NOP9: variants seen among roughly 807,000 people sequenced by gnomAD.
NOP9 encodes NOP9 nucleolar protein, also known as nucleolar protein 9.
Under a neutral mutation model 63.0 loss-of-function variants are expected in NOP9, and 50 were observed. The observed-to-expected ratio is 0.79, with a 90% CI of 0.63 to 1.00. NOP9 has a LOEUF of 1.00. Among genes scored for constraint, NOP9 ranks in the 50% least tolerant of loss-of-function variants. The pLI is 0.00. For synonymous variants in NOP9, 343 were observed against 332.8 expected (o/e 1.03, Z -0.33); for missense variants, 758 against 803.0 (o/e 0.94, Z 0.68).
Position 24,304,101 on chromosome 14 carries a change from C to T in NOP9, c.1471C>T (p.Gln491Ter). The change falls in exon 8 of 10, where the codon CAG becomes TAG. Residue 491 changes from glutamine to a stop codon, truncating the protein, a stop_gained. Coordinates refer to ENST00000267425, the MANE Select transcript of NOP9 (RefSeq NM_174913.3). LOFTEE classifies it high-confidence loss of function. ...DVTVLGSLLL[Q>*]HLLHFSTPGL... is the part of the protein sequence containing the mutation. ...GACAGTCCTTGGGTCTCTACTGCTC[C>T]AGCATCTGCTGCACTTCTCCACTCC... 6.2e-7 allele frequency: 1 copy of T among 1,614,246 alleles called. No homozygotes were observed. Among genetic ancestry groups the T allele is most frequent in the Non-Finnish European group, 8.5e-7 (1 of 1,180,046 alleles).
chr14:24,290,285 C>T, the NOP9 span, among the ~76,000 whole-genome samples: 1 of 152,224 alleles, frequency 6.6e-6, no homozygotes, highest in African/African-American at 2.4e-5. Flanking sequence ...AAGGAATCTG[C>T]CTTTGCTGGA....
chr14:24,271,977 C>T, the NOP9 span, among the ~76,000 whole-genome samples: 1 of 152,168 alleles, frequency 6.6e-6, no homozygotes, highest in Non-Finnish European at 1.5e-5. Context: ...CTGGCTTCTC[C>T]TCCTGCACCT....
Position 24,306,512 on chromosome 14 carries a change from G to A in NOP9, c.*1417G>A, listed in dbSNP as rs2041512493. On this transcript the variant is annotated 3_prime_UTR_variant, in exon 10 of 10. Coordinates refer to ENST00000267425, the MANE Select transcript of NOP9 (RefSeq NM_174913.3). The stretch of plus-strand genomic sequence containing the variant: ...GGGTTAGCACTCCATTCAGCAGTAG[G>A]GTCTCCAATGCCTGCCCAATGGCAA... 6.2e-7 allele frequency: 1 copy of A among 1,614,204 alleles called. No homozygotes were observed. The highest frequency in any genetic ancestry group is 8.5e-7 in the Non-Finnish European group (1 of 1,180,034).
the NOP9 span, chr14:24,293,487 T>C: frequency 1.3e-5 from 2 of 152,118 alleles, no homozygotes; most frequent in East Asian, 1.9e-4. Context: ...GGCAGGAGGA[T>C]CTCTTGAGCC....
rs2041520253 is a variant in NOP9 at position 24,306,689 on chromosome 14, T to A, written c.*1594T>A. 1.3e-6 allele frequency: 1 copy of A among 783,188 alleles called. No individual in the cohort carries two copies. Among genetic ancestry groups the A allele is most frequent in the African/African-American group, 1.7e-5 (1 of 57,456 alleles). The allele number at this position is 783,188 out of a possible 1,614,324, so 48.5% of individuals were successfully genotyped here. A position where few individuals can be genotyped will look rare whatever the true frequency, so the allele number is the denominator to read the frequency against. On this transcript the variant is annotated 3_prime_UTR_variant, in exon 10 of 10. Transcript: ENST00000267425. The stretch of plus-strand genomic sequence containing the variant: ...TTGCAGCTCTCCGTGTTCTTCAGTT[T>A]TTGGGGGATCCTAGCTAGAGGCTGA...
the NOP9 span, among the ~76,000 whole-genome samples, chr14:24,282,071 C>G: frequency 9.9e-5 from 15 of 152,174 alleles, no homozygotes; most frequent in Non-Finnish European, 1.0e-4. Flanking sequence ...GATGTAATTC[C>G]ATGCTACTGG....
chr14:24,291,116 G>A, the NOP9 span: 1 of 1,613,988 alleles, frequency 6.2e-7, no homozygotes, highest in African/African-American at 1.3e-5. Flanking sequence ...AGTCAAGGCT[G>A]ACTGCTGTGC....
the NOP9 span, among the ~76,000 whole-genome samples, chr14:24,287,450 C>T: frequency 3.9e-5 from 6 of 152,190 alleles, no homozygotes; most frequent in Admixed American, 2.0e-4. Context: ...AGAGGGTGCT[C>T]GTGCTTGGCT....
the NOP9 span, among the ~76,000 whole-genome samples, chr14:24,274,612 CTTT>C: frequency 7.1e-6 from 1 of 141,200 alleles, no homozygotes; most frequent in Non-Finnish European, 1.5e-5. Context: ...GAGCCACAAT[CTTT>C]TTTTTTTTTT....
chr14:24,296,777 A>G (rs1249153083), upstream of NOP9: 2 of 1,614,164 alleles, frequency 1.2e-6, no homozygotes, highest in Non-Finnish European at 1.7e-6. Flanking sequence ...GCACATCTAG[A>G]CGCCCTTGCT....
chr14:24,306,375 C>T lies in NOP9; in HGVS notation c.*1280C>T, dbSNP rs1483638001. On this transcript the variant is annotated 3_prime_UTR_variant, in exon 10 of 10. Transcript: ENST00000267425. The stretch of plus-strand genomic sequence containing the variant: ...GCAGCCCCAGTATAGGCCTCTTACC[C>T]TTGTAGGGCTCCAGCTCTGACCAGA... The T allele has an allele frequency of 1.2e-6, 2 of 1,614,112 alleles. No homozygotes were observed. Among genetic ancestry groups the T allele is most frequent in the African/African-American group, 1.3e-5 (1 of 74,932 alleles).
chr14:24,283,861 C>G, the NOP9 span, among the ~76,000 whole-genome samples: 1 of 152,280 alleles, frequency 6.6e-6, no homozygotes, highest in African/African-American at 2.4e-5. Context: ...CTGCAGAAGA[C>G]CCAGCCCGTG....
chr14:24,273,370 G>C, the NOP9 span, among the ~76,000 whole-genome samples: 2 of 152,072 alleles, frequency 1.3e-5, no homozygotes. Flanking sequence ...GAAGAGACGG[G>C]GTTTCACCAT....
At position 24,305,661 on chromosome 14, in the gene NOP9, T is replaced by G. The variant is rs1386909006; in HGVS notation, c.*566T>G. The G allele has an allele frequency of 6.2e-7, 1 of 1,613,920 alleles. No individual in the cohort carries two copies. The highest frequency in any genetic ancestry group is 8.5e-7 in the Non-Finnish European group (1 of 1,179,976). The stretch of plus-strand genomic sequence containing the variant: ...GTAGGAATGGAGGCGGCCCTTCTGC[T>G]GCCACTGCTCAGCCCCCTCCACTGC... On this transcript the variant is annotated 3_prime_UTR_variant, in exon 10 of 10. Coordinates refer to ENST00000267425, the MANE Select transcript of NOP9 (RefSeq NM_174913.3).
chr14:24,293,298 G>A, the NOP9 span: 1 of 153,228 alleles, frequency 6.5e-6, no homozygotes, highest in Admixed American at 6.5e-5. Flanking sequence ...AGAAAAGCTG[G>A]GCACGGTGGC....
chr14:24,286,657 A>C, the NOP9 span, among the ~76,000 whole-genome samples: 1 of 151,974 alleles, frequency 6.6e-6, no homozygotes, highest in Non-Finnish European at 1.5e-5. Context: ...CAGTGGCACG[A>C]TCTCGACTCA....
chr14:24,289,404 G>A, the NOP9 span, among the ~76,000 whole-genome samples: 14 of 152,184 alleles, frequency 9.2e-5, no homozygotes, highest in African/African-American at 3.1e-4. Flanking sequence ...GAGATTACAG[G>A]TGTAAACTAC....
intron 5 of NOP9, 114 bp from the exon 6 acceptor site, chr14:24,302,960 A>G (rs1487109734): frequency 3.9e-6 from 5 of 1,281,498 alleles, no homozygotes; most frequent in Admixed American, 6.1e-5. Flanking sequence ...GATACTGGCA[A>G]TGCTTTTTAT....
rs2041355206 is a variant in NOP9 at position 24,300,643 on chromosome 14, A to AGGAG, written c.484_485insGAGG (p.Glu162GlyfsTer29). On this transcript the variant is annotated frameshift_variant, in exon 2 of 10. Coordinates refer to ENST00000267425, the MANE Select transcript of NOP9 (RefSeq NM_174913.3). LOFTEE classifies it high-confidence loss of function. ...TCCCTCGATTGCTGGGGAGTGCTGC[A>AGGAG]GAGGAGGAGGAGGAGGAGGAGGAGG... The AGGAG allele has an allele frequency of 3.0e-5, 48 of 1,577,580 alleles. No homozygotes were observed. The highest frequency in any genetic ancestry group is 3.6e-5 in the Non-Finnish European group (41 of 1,151,220).
Sources: gnomAD v4.1 joint callset for allele counts (sites outside exome capture counted in the v4.1 genomes callset) on GRCh38, gnomAD v4.1.1 for gene constraint, MANE v1.5 for transcripts, NCBI Gene and HGNC (gene_info 2026-07-23, HGNC 2026-07-21) for gene names.